ACTR3C: variants seen among roughly 807,000 people sequenced by gnomAD.
ACTR3C encodes the protein actin related protein 3C.
In ACTR3C, 18 loss-of-function variants were observed where a neutral mutation model predicts 26.3. The ratio of observed to expected loss-of-function variants is 0.68; its 90% CI spans 0.47 to 1.01. The LOEUF (loss-of-function observed/expected upper bound fraction) is 1.01, where lower values mean the gene tolerates loss of function less well. ACTR3C is among the 50% of genes least tolerant of loss of function. The pLI is 0.00. For missense variants in ACTR3C, 184 were observed against 250.7 expected (o/e 0.73, Z 1.80); for synonymous variants, 55 against 94.5 (o/e 0.58, Z 2.42).
chr7:150,007,409 T>A, the ACTR3C span, among the ~76,000 whole-genome samples: 2 of 152,240 alleles, frequency 1.3e-5, no homozygotes, highest in African/African-American at 4.8e-5. Context: ...CATTGGAACC[T>A]CTAAAGGTGG....
the ACTR3C span, among the ~76,000 whole-genome samples, chr7:149,938,422 C>T: frequency 1.6e-5 from 2 of 124,076 alleles, no homozygotes; most frequent in Admixed American, 8.9e-5. Context: ...TAATGTTTTG[C>T]ATTCAGAAAT....
chr7:149,892,343 C>T, the ACTR3C span: 4 of 1,607,678 alleles, frequency 2.5e-6, no homozygotes, highest in Middle Eastern at 3.3e-4. Flanking sequence ...CAACTCCCCT[C>T]AACACTCTCC....
At chr7:150,321,350 C>G (rs2129617742) in intron 1 of ACTR3C, among the ~76,000 whole-genome samples, 1 of 152,316 alleles carries the variant, frequency 6.6e-6, no homozygotes, top group Middle Eastern at 3.4e-3. Flanking sequence ...CCATTTCCTA[C>G]TGTAACATGC....
the ACTR3C span, among the ~76,000 whole-genome samples, chr7:150,151,747 GA>G: frequency 2.3e-5 from 2 of 86,976 alleles, no homozygotes; most frequent in African/African-American, 7.7e-5. Flanking sequence ...GGGGTGGGGG[GA>G]GGGATAGCTT....
the ACTR3C span, among the ~76,000 whole-genome samples, chr7:149,979,956 G>C: frequency 6.6e-6 from 1 of 150,530 alleles, no homozygotes; most frequent in Non-Finnish European, 1.5e-5. Context: ...TAAGAATGAG[G>C]AGTGAATTTG....
At chr7:150,103,492 G>A in the ACTR3C span, among the ~76,000 whole-genome samples, 1 of 151,750 alleles carries the variant, frequency 6.6e-6, no homozygotes, top group African/African-American at 2.4e-5. Context: ...TCATGGTGGG[G>A]TTTCCCTCCA....
At chr7:149,964,133 G>C in the ACTR3C span, among the ~76,000 whole-genome samples, 1 of 152,200 alleles carries the variant, frequency 6.6e-6, no homozygotes, top group Non-Finnish European at 1.5e-5. Context: ...ACACAACAAC[G>C]TGCTGTATAT....
At chr7:150,173,149 G>A in the ACTR3C span, among the ~76,000 whole-genome samples, 1 of 150,472 alleles carries the variant, frequency 6.6e-6, no homozygotes, top group South Asian at 2.1e-4. Context: ...CTGTGTGGGG[G>A]CTCCGATCCC....
At chr7:149,978,797 G>T in the ACTR3C span, among the ~76,000 whole-genome samples, 2 of 152,072 alleles carry the variant, frequency 1.3e-5, no homozygotes, top group African/African-American at 4.8e-5. Flanking sequence ...TTACCAGCAG[G>T]CGTCTCTTGT....
the ACTR3C span, among the ~76,000 whole-genome samples, chr7:149,907,870 C>A: frequency 6.6e-6 from 1 of 152,276 alleles, no homozygotes; most frequent in East Asian, 1.9e-4. Context: ...ATGGAATGAT[C>A]GGGTTCTGGG....
the ACTR3C span, among the ~76,000 whole-genome samples, chr7:150,111,506 C>T: frequency 1.0e-3 from 90 of 88,852 alleles, 9 homozygotes; most frequent in East Asian, 0.019. Context: ...ATCTTACTCC[C>T]CACACTCACA....
chr7:150,212,250 G>A, the ACTR3C span, among the ~76,000 whole-genome samples: 20,409 of 139,926 alleles, frequency 0.15, 2,568 homozygotes, highest in African/African-American at 0.26. Context: ...GATAATTGAA[G>A]TACTGCATTT....
At chr7:150,207,918 C>G in the ACTR3C span, among the ~76,000 whole-genome samples, 1 of 151,732 alleles carries the variant, frequency 6.6e-6, no homozygotes, top group Non-Finnish European at 1.5e-5. Context: ...GTCATGATTT[C>G]TAAAATCAAA....
At chr7:149,941,005 T>C in the ACTR3C span, among the ~76,000 whole-genome samples, 2 of 152,094 alleles carry the variant, frequency 1.3e-5, no homozygotes, top group South Asian at 2.1e-4. Context: ...AAGACAACCA[T>C]TGGGAGTACA....
the ACTR3C span, among the ~76,000 whole-genome samples, chr7:150,119,384 T>A: frequency 2.0e-5 from 3 of 152,130 alleles, no homozygotes; most frequent in South Asian, 4.2e-4. Flanking sequence ...AATAAAGGGA[T>A]GGAGGAAAAT....
chr7:150,314,031 T>C (rs1344358187), intron 1 of ACTR3C, among the ~76,000 whole-genome samples: 1 of 152,160 alleles, frequency 6.6e-6, no homozygotes, highest in Non-Finnish European at 1.5e-5. Context: ...ACTGGACCCA[T>C]ATGGTCCCTC....
the ACTR3C span, among the ~76,000 whole-genome samples, chr7:150,165,668 C>T: frequency 7.1e-6 from 1 of 141,810 alleles, no homozygotes; most frequent in South Asian, 2.3e-4. Flanking sequence ...CTGGAGTGGC[C>T]CCCTTTCCTG....
At chr7:150,221,138 G>A in the ACTR3C span, among the ~76,000 whole-genome samples, 1 of 152,282 alleles carries the variant, frequency 6.6e-6, no homozygotes, top group Admixed American at 6.5e-5. Flanking sequence ...TTGAGCAGGC[G>A]CTGCGCGCGG....
At chr7:150,314,988 TAATATTATTA>T (rs1357194154) in intron 1 of ACTR3C, among the ~76,000 whole-genome samples, 10 of 147,462 alleles carry the variant, frequency 6.8e-5, no homozygotes, top group Non-Finnish European at 1.2e-4. Flanking sequence ...TTATTTTTAA[TAATATTATTA>T]AATATTATTA....
Sources: gnomAD v4.1 joint callset for allele counts (sites outside exome capture counted in the v4.1 genomes callset) on GRCh38, gnomAD v4.1.1 for gene constraint, MANE v1.5 for transcripts, NCBI Gene and HGNC (gene_info 2026-07-23, HGNC 2026-07-21) for gene names.